Variants in CSMD1 observed in about 807,000 individuals in gnomAD.
CSMD1 encodes the protein CUB and sushi domain-containing protein 1.
In CSMD1, 213 loss-of-function variants were observed where a neutral mutation model predicts 417.5. The observed-to-expected ratio is 0.51, with a 90% CI of 0.46 to 0.57. CSMD1 has a LOEUF of 0.57. Ranked by LOEUF, CSMD1 falls within the 20% of genes least tolerant of loss-of-function variation. CSMD1 has a pLI of 0.00. For missense variants in CSMD1, 6,923 were observed against 4,529.7 expected, an observed-to-expected ratio of 1.53 and a Z score of -15.17; for synonymous variants, 2,862 against 1,736.8, an observed-to-expected ratio of 1.65 and a Z score of -16.11.
chr8:3,830,209 G>A (rs1373431414), intron 5 of CSMD1, among the ~76,000 whole-genome samples: 1 of 152,192 alleles, frequency 6.6e-6, no homozygotes, highest in Non-Finnish European at 1.5e-5. Flanking sequence ...ATTGTTTGAG[G>A]TAAAATATGT....
intron 44 of CSMD1, among the ~76,000 whole-genome samples, 155 bp from the exon 45 acceptor site, chr8:3,107,953 G>A (rs1317551120): frequency 2.0e-5 from 3 of 152,098 alleles, no homozygotes; most frequent in East Asian, 3.9e-4. Context: ...AAATTCCCAA[G>A]CTTCAAATGT....
chr8:4,878,445 G>A (rs1249290335), intron 1 of CSMD1, among the ~76,000 whole-genome samples: 1 of 151,842 alleles, frequency 6.6e-6, no homozygotes, highest in African/African-American at 2.4e-5. Flanking sequence ...GTCCTTGTGG[G>A]TTTTTTGGAG....
At chr8:3,945,975 G>C (rs1319178633) in intron 5 of CSMD1, among the ~76,000 whole-genome samples, 1 of 152,088 alleles carries the variant, frequency 6.6e-6, no homozygotes, top group South Asian at 2.1e-4. Flanking sequence ...GAAAGGTTAT[G>C]TTCCAGACCG....
At chr8:2,963,160 C>A (rs922995) in intron 60 of CSMD1, 62 bp downstream of exon 60, 267,036 of 1,565,552 alleles carry the variant, frequency 0.17, 24,767 homozygotes, top group African/African-American at 0.35. Context: ...AGGATGTGCC[C>A]TGGTTATCCG....
At chr8:3,725,106 A>G (rs1231623894) in intron 6 of CSMD1, among the ~76,000 whole-genome samples, 3 of 152,282 alleles carry the variant, frequency 2.0e-5, no homozygotes, top group African/African-American at 7.2e-5. Context: ...TTGGAAGGTG[A>G]GTTTTCAGCA....
rs1205195268 is a variant in CSMD1 at position 4,138,128 on chromosome 8, G to T, written c.416-106029C>A. 4.0e-5 allele frequency among the ~76,000 whole-genome samples: 5 copies of T among 125,590 alleles called. 2 individuals are homozygous for T. The South Asian group carries it at 7.7e-4, about 19-fold the overall frequency. 82.4% of individuals were successfully genotyped at this position (125,590 alleles called of 152,430 possible). On this transcript the variant is annotated intron_variant, in intron 3 of 69. Transcript: ENST00000635120. ...GACGCGGTTTCACCGTGTTACCCAG[G>T]ATGGTCTCAATCTCCTGACCTCATG...
chr8:4,006,186 T>G (rs1287658373), intron 4 of CSMD1, among the ~76,000 whole-genome samples: 1 of 152,144 alleles, frequency 6.6e-6, no homozygotes, highest in African/African-American at 2.4e-5. Context: ...TTGGGTGCAT[T>G]CTCATGCAGT....
chr8:3,272,424 G>C (rs1366343278), intron 26 of CSMD1, among the ~76,000 whole-genome samples: 2 of 150,678 alleles, frequency 1.3e-5, no homozygotes, highest in Admixed American at 1.3e-4. Context: ...GCTCCTTTTT[G>C]GTTCCATATG....
At chr8:4,742,853 A>G (rs2117012545) in intron 1 of CSMD1, among the ~76,000 whole-genome samples, 1 of 152,332 alleles carries the variant, frequency 6.6e-6, no homozygotes, top group East Asian at 1.9e-4. Flanking sequence ...TGCAGTTACA[A>G]TTCTAACTTA....
At chr8:3,332,455 C>T (rs142159375) in intron 23 of CSMD1, among the ~76,000 whole-genome samples, 1 of 152,332 alleles carries the variant, frequency 6.6e-6, no homozygotes, top group African/African-American at 2.4e-5. Flanking sequence ...ACCGGAGCTG[C>T]AGTGAGGCTG....
At chr8:4,790,289 T>A (rs1267489930) in intron 1 of CSMD1, among the ~76,000 whole-genome samples, 1 of 152,014 alleles carries the variant, frequency 6.6e-6, no homozygotes, top group Non-Finnish European at 1.5e-5. Context: ...GTGAAATACC[T>A]CTACCACGAG....
intron 7 of CSMD1, among the ~76,000 whole-genome samples, chr8:3,632,352 C>T (rs757216761): frequency 6.6e-5 from 10 of 152,124 alleles, no homozygotes; most frequent in Admixed American, 1.3e-4. Flanking sequence ...TGACACCCCC[C>T]CATCCCCACT....
At chr8:4,890,250 G>A (rs2028235) in intron 1 of CSMD1, among the ~76,000 whole-genome samples, 1 of 152,070 alleles carries the variant, frequency 6.6e-6, no homozygotes, top group East Asian at 1.9e-4. Flanking sequence ...CAGCACGATA[G>A]AGTGGAGTGA....
Position 4,117,286 on chromosome 8 carries a change from T to G in CSMD1, c.416-85187A>C, listed in dbSNP as rs5016256. Among the ~76,000 whole-genome samples, 3 of 151,550 alleles carry G rather than the reference T, an allele frequency of 2.0e-5. No individual in the cohort carries two copies. In the East Asian group the frequency reaches 5.8e-4, roughly 29 times the overall value. On this transcript the variant is annotated intron_variant, in intron 3 of 69. Transcript: ENST00000635120. The stretch of plus-strand genomic sequence containing the variant: ...CCCAAGGAACTCACTCGAAGCAGCA[T>G]GCGTGGCTGGCTGGTGGGATCCTCC...
intron 2 of CSMD1, among the ~76,000 whole-genome samples, chr8:4,578,612 C>A (rs922026201): frequency 1.9e-4 from 28 of 151,018 alleles, no homozygotes; most frequent in African/African-American, 2.7e-4. Context: ...GTCAGGAGTT[C>A]AAGATCAGCC....
chr8:4,155,334 C>G (rs1563197284), intron 3 of CSMD1, among the ~76,000 whole-genome samples: 2 of 152,184 alleles, frequency 1.3e-5, no homozygotes, highest in African/African-American at 4.8e-5. Flanking sequence ...GTCTCACCTG[C>G]ATGACTCCCG....
At chr8:3,523,025 A>C (rs926982315) in intron 10 of CSMD1, among the ~76,000 whole-genome samples, 2 of 151,364 alleles carry the variant, frequency 1.3e-5, no homozygotes, top group South Asian at 4.2e-4. Flanking sequence ...CCACACACAC[A>C]CACACACACA....
intron 5 of CSMD1, among the ~76,000 whole-genome samples, chr8:3,795,164 A>AG (rs1799989262): frequency 1.3e-5 from 1 of 76,060 alleles, no homozygotes; most frequent in Non-Finnish European, 2.7e-5. Flanking sequence ...AGCTATAGAT[A>AG]CCTATCATGT....
intron 1 of CSMD1, among the ~76,000 whole-genome samples, chr8:4,677,740 A>T (rs576222427): frequency 6.6e-6 from 1 of 152,202 alleles, no homozygotes; most frequent in African/African-American, 2.4e-5. Flanking sequence ...CAGGCAACAG[A>T]TGCTCATCAA....
Sources: gnomAD v4.1 joint callset for allele counts (sites outside exome capture counted in the v4.1 genomes callset) on GRCh38, gnomAD v4.1.1 for gene constraint, MANE v1.5 for transcripts, NCBI Gene and HGNC (gene_info 2026-07-23, HGNC 2026-07-21) for gene names.